The following ZNF462 variants were observed in gnomAD, a reference collection of about 807,000 sequenced individuals.
ZNF462 encodes zinc finger protein 462.
A neutral mutation model predicts 201.9 loss-of-function variants in ZNF462; 10 were observed. The ratio of observed to expected loss-of-function variants is 0.05; its 90% CI spans 0.03 to 0.08. The LOEUF is 0.08. Ranked by LOEUF, ZNF462 falls within the 10% of genes least tolerant of loss-of-function variation. The probability of loss-of-function intolerance (pLI) is 1.00; values close to 1 mark genes in which losing one functional copy is unlikely to be tolerated. For synonymous variants in ZNF462, 1,227 were observed against 1,193.3 expected (o/e 1.03, Z -0.58); for missense variants, 2,523 against 3,168.3 (o/e 0.80, Z 4.89).
chr9:106,985,327 A>C (rs1050463708), intron 10 of ZNF462, among the ~76,000 whole-genome samples: 1 of 152,116 alleles, frequency 6.6e-6, no homozygotes, highest in African/African-American at 2.4e-5. Flanking sequence ...AAGGATTGTA[A>C]AATATATGTT....
At chr9:106,863,161 G>GCATCCT (rs776276180), upstream of ZNF462, 4 of 399,072 alleles carry the variant, frequency 1.0e-5, no homozygotes, top group Non-Finnish European at 1.8e-5. Flanking sequence ...ATCTGCAGCT[G>GCATCCT]CAGCGAGTCT....
intron 10 of ZNF462, among the ~76,000 whole-genome samples, chr9:106,986,761 G>A (rs1827862081): frequency 6.6e-6 from 1 of 151,860 alleles, no homozygotes; most frequent in South Asian, 2.1e-4. Flanking sequence ...TTTATCCCTT[G>A]CCCCCCTCCA....
rs900075698 is a variant in ZNF462, at chr9:107,013,106, AAAG to A, written c.*2079_*2081del. On this transcript the variant is annotated 3_prime_UTR_variant, in exon 13 of 13. Coordinates refer to ENST00000277225, the MANE Select transcript of ZNF462 (RefSeq NM_021224.6). ...AATGGTTACCAAAAAACAAACAAAA[AAAG>A]AAAGAAAAAGGAAAAAAAAAAAGAA... is the stretch of plus-strand genomic sequence containing the variant. 10 of 149,970 alleles carry A rather than the reference AAAG, an allele frequency of 6.7e-5. No individual in the cohort carries two copies. Among genetic ancestry groups the A allele is most frequent in the African/African-American group, 2.5e-4 (10 of 39,426 alleles). The allele number at this position is 149,970 out of a possible 1,614,324, so 9.3% of individuals were successfully genotyped here.
chr9:106,871,315 A>G (rs1827581167), intron 1 of ZNF462, among the ~76,000 whole-genome samples: 1 of 152,246 alleles, frequency 6.6e-6, no homozygotes, highest in Non-Finnish European at 1.5e-5. Flanking sequence ...AAAAGCAAAC[A>G]GTAGCATCAG....
intron 1 of ZNF462, among the ~76,000 whole-genome samples, chr9:106,910,647 C>A (rs1054909705): frequency 6.6e-6 from 1 of 152,082 alleles, no homozygotes; most frequent in African/African-American, 2.4e-5. Flanking sequence ...GCTTTTGATT[C>A]AAGGGTCCTG....
rs1827157194 is a variant in ZNF462 at position 106,978,185 on chromosome 9, A to G, written c.6832+3912A>G. ...ATCTGCAAAGAACCTATGTCCCAAT[A>G]AAGTCTGGGGTTCCAGGTAGACTTA... On this transcript the variant is annotated intron_variant, in intron 9 of 12. Coordinates refer to ENST00000277225, the MANE Select transcript of ZNF462 (RefSeq NM_021224.6). The surrounding 1 kb of genome is among the most constrained non-coding windows in gnomAD (Gnocchi z 4.1). Among the ~76,000 whole-genome samples, 1 of 151,478 alleles carries G rather than the reference A, an allele frequency of 6.6e-6. No homozygotes were observed. The highest frequency in any genetic ancestry group is 2.1e-4 in the South Asian group (1 of 4,826).
In ZNF462 at chr9:106,902,228, A is replaced by G. The variant is rs567572975; in HGVS notation, c.-30-21126A>G. 1.3e-5 allele frequency among the ~76,000 whole-genome samples: 2 copies of G among 152,062 alleles called. No individual in the cohort carries two copies. The highest frequency in any genetic ancestry group is 4.8e-5 in the African/African-American group (2 of 41,446). On this transcript the variant is annotated intron_variant, in intron 1 of 12. Transcript: ENST00000277225. The surrounding 1 kb of genome is among the most constrained non-coding windows in gnomAD (Gnocchi z 4.2). ...TTTATGTGGTGTATCACATTTATTG[A>G]CTCATGTATGTTAAACCATCCCTGC... is the stretch of plus-strand genomic sequence containing the variant.
intron 8 of ZNF462, among the ~76,000 whole-genome samples, chr9:106,973,854 T>G (rs1377238354): frequency 6.6e-6 from 1 of 152,148 alleles, no homozygotes; most frequent in Non-Finnish European, 1.5e-5. Context: ...AGACAATTTT[T>G]AAGAATAAGG....
Position 107,010,852 on chromosome 9 carries a change from G to C in ZNF462, c.7343G>C (p.Arg2448Thr). ...TTGAATGACACCAAGCAGGTGAGCA[G>C]AGAAGAAATCCACCCAAAAGAGATC... ...MALNDTKQVS[R>T]EEIHPKEIME... Residue 2448 changes from arginine to threonine, a missense_variant, in exon 13 of 13, where the codon AGA becomes ACA. Arg to Thr is a moderately conservative substitution (Grantham distance 71). Transcript: ENST00000277225. The surrounding 1 kb of genome is among the most constrained non-coding windows in gnomAD (Gnocchi z 4.6). 6.2e-7 allele frequency: 1 copy of C among 1,613,174 alleles called. No individual in the cohort carries two copies. The highest frequency in any genetic ancestry group is 1.1e-5 in the South Asian group (1 of 91,014).
chr9:106,868,936 T>C (rs1827465437), intron 1 of ZNF462, among the ~76,000 whole-genome samples: 1 of 152,200 alleles, frequency 6.6e-6, no homozygotes, highest in Non-Finnish European at 1.5e-5. Flanking sequence ...CGTGGTTTCA[T>C]TCATAGATCC....
chr9:106,940,313 A>G (rs1363249271), intron 7 of ZNF462, among the ~76,000 whole-genome samples: 1 of 152,196 alleles, frequency 6.6e-6, no homozygotes, highest in Admixed American at 6.5e-5. Context: ...TTTGGTTGCA[A>G]TTCTGGCCTT....
Position 106,977,412 on chromosome 9 carries a change from T to C in ZNF462, c.6832+3139T>C, listed in dbSNP as rs1024193415. 5.3e-5 allele frequency among the ~76,000 whole-genome samples: 8 copies of C among 151,618 alleles called. No individual in the cohort carries two copies. The highest frequency in any genetic ancestry group is 7.3e-5 in the Non-Finnish European group (5 of 68,038). ...TGAACTGGCCCAGAGACAGAACTAC[T>C]GCTGGCAGAAATAGAGTTTCCATTG... On this transcript the variant is annotated intron_variant, in intron 9 of 12. Coordinates refer to ENST00000277225, the MANE Select transcript of ZNF462 (RefSeq NM_021224.6). The surrounding 1 kb of genome is among the most constrained non-coding windows in gnomAD (Gnocchi z 4.6).
In ZNF462 at chr9:106,923,535, C is replaced by T. The variant is rs150161525; in HGVS notation, c.152C>T (p.Ala51Val). 132 of 1,614,056 alleles carry T rather than the reference C, an allele frequency of 8.2e-5. No homozygotes were observed. Among genetic ancestry groups the T allele is most frequent in the Non-Finnish European group, 1.1e-4 (128 of 1,180,046 alleles). ...GAGCTACGATGTGGGTCCGTGAATG[C>T]CAGTAATCAGACAGAGGTGGAGTTT... ...VNELRCGSVN[A>V]SNQTEVEFSS... is the part of the protein sequence containing the mutation. The change falls in exon 2 of 13, where the codon GCC (alanine) becomes GTC (valine). Residue 51 changes from alanine to valine, a missense_variant. Coordinates refer to ENST00000277225, the MANE Select transcript of ZNF462 (RefSeq NM_021224.6). This position sits in a 1 kb window ranked among gnomAD's most constrained non-coding sequence, Gnocchi z 5.6.
intron 5 of ZNF462, among the ~76,000 whole-genome samples, chr9:106,934,265 A>T (rs1830538298): frequency 6.7e-6 from 1 of 149,938 alleles, no homozygotes; most frequent in Non-Finnish European, 1.5e-5. Flanking sequence ...TATCCCAGGT[A>T]GTCTGACTCC....
At chr9:106,934,160 C>T (rs559037423) in intron 5 of ZNF462, among the ~76,000 whole-genome samples, 1 of 151,656 alleles carries the variant, frequency 6.6e-6, no homozygotes, top group Middle Eastern at 3.2e-3. Flanking sequence ...AGGTATGGCC[C>T]CATTATTATC....
At chr9:106,982,500 T>C (rs1208614961) in intron 9 of ZNF462, among the ~76,000 whole-genome samples, 1 of 152,166 alleles carries the variant, frequency 6.6e-6, no homozygotes, top group Non-Finnish European at 1.5e-5. Flanking sequence ...TTTTCTCCGT[T>C]TACACCAAAC....
rs757041648 is a variant in ZNF462, at chr9:106,935,492, T to C, written c.6117-11T>C. The C allele has an allele frequency of 6.2e-7, 1 of 1,611,534 alleles. No homozygotes were observed. Among genetic ancestry groups the C allele is most frequent in the South Asian group, 1.1e-5 (1 of 90,730 alleles). The stretch of plus-strand genomic sequence containing the variant: ...TTGTCATTTTTCTTTTTGTTTTCCT[T>C]CTACATCAAGTTTGGATCGCCATAT... On this transcript the variant is annotated splice_polypyrimidine_tract_variant and intron_variant, in intron 5 of 12. Transcript: ENST00000277225. The surrounding 1 kb of genome is among the most constrained non-coding windows in gnomAD (Gnocchi z 4.1).
intron 7 of ZNF462, among the ~76,000 whole-genome samples, chr9:106,953,916 A>G (rs1359786749): frequency 2.0e-5 from 3 of 152,040 alleles, no homozygotes; most frequent in East Asian, 1.9e-4. Context: ...CGTTCCATCA[A>G]CCAGTCATTT....
chr9:106,971,340 A>G (rs1204270734), intron 7 of ZNF462, among the ~76,000 whole-genome samples: 1 of 151,394 alleles, frequency 6.6e-6, no homozygotes, highest in East Asian at 1.9e-4. Flanking sequence ...TTCTGTGGCA[A>G]CCTGTTGCCA....
Sources: gnomAD v4.1 joint callset for allele counts (sites outside exome capture counted in the v4.1 genomes callset) on GRCh38, gnomAD v4.1.1 for gene constraint, Gnocchi (gnomAD v3.1) non-coding constraint, MANE v1.5 for transcripts, NCBI Gene and HGNC (gene_info 2026-07-23, HGNC 2026-07-21) for gene names.